Variants in ARHGEF10L observed in about 807,000 individuals in gnomAD.
ARHGEF10L encodes the protein rho guanine nucleotide exchange factor 10-like protein.
A neutral mutation model predicts 141.2 loss-of-function variants in ARHGEF10L; 69 were observed. The ratio of observed to expected loss-of-function variants is 0.49; its 90% CI spans 0.40 to 0.60. The LOEUF is 0.60. ARHGEF10L is among the 20% of genes least tolerant of loss of function. The pLI is 0.00. For missense variants in ARHGEF10L, 1,482 were observed against 1,734.3 expected, an observed-to-expected ratio of 0.85 and a Z score of 2.58; for synonymous variants, 711 against 718.5, an observed-to-expected ratio of 0.99 and a Z score of 0.17.
chr1:17,633,858 C>A lies in ARHGEF10L; in HGVS notation c.1731-690C>A, dbSNP rs889319419. Among the ~76,000 whole-genome samples, 12 of 152,264 alleles carry A rather than the reference C, an allele frequency of 7.9e-5. No individual in the cohort carries two copies. The East Asian group carries it at 2.3e-3, about 29-fold the overall frequency. ...AGGTTTGGGGATTTTCCATGGTTAC[C>A]GATCACGAGTCCTGGAAGGGGACAA... is the stretch of plus-strand genomic sequence containing the variant. On this transcript the variant is annotated intron_variant, in intron 16 of 28. Transcript: ENST00000361221.
intron 21 of ARHGEF10L, among the ~76,000 whole-genome samples, chr1:17,645,908 G>C (rs2061570731): frequency 6.6e-6 from 1 of 152,214 alleles, no homozygotes. Flanking sequence ...ACGTAGAAGT[G>C]TCTGTTATGG....
intron 4 of ARHGEF10L, among the ~76,000 whole-genome samples, chr1:17,593,161 G>A (rs1217911564): frequency 6.6e-6 from 1 of 152,156 alleles, no homozygotes; most frequent in African/African-American, 2.4e-5. Flanking sequence ...GGAATCCTGT[G>A]ACGTTCCTCC....
intron 4 of ARHGEF10L, among the ~76,000 whole-genome samples, chr1:17,589,288 A>G (rs969900781): frequency 6.6e-6 from 1 of 152,152 alleles, no homozygotes; most frequent in Non-Finnish European, 1.5e-5. Context: ...TGGAAGGGTA[A>G]TTGGGTAACT....
the ARHGEF10L span, among the ~76,000 whole-genome samples, chr1:17,527,828 C>T: frequency 6.7e-6 from 1 of 149,924 alleles, no homozygotes; most frequent in African/African-American, 2.4e-5. Context: ...GGTTATTGCC[C>T]TCTAGTGCTT....
At position 17,673,856 on chromosome 1, in the gene ARHGEF10L, G is replaced by T. The variant is rs1406144632; in HGVS notation, c.3009+9261G>T. Among the ~76,000 whole-genome samples, 1 of 152,164 alleles carries T rather than the reference G, an allele frequency of 6.6e-6. No homozygotes were observed. Among genetic ancestry groups the T allele is most frequent in the Non-Finnish European group, 1.5e-5 (1 of 68,040 alleles). Reference sequence around the variant, plus strand: ...GCAGGTCCCAGGGCTGTGCCTGGTGGGAGGAAGCACCACGTGTCAGTTGTT... The same window carrying T: ...GCAGGTCCCAGGGCTGTGCCTGGTGTGAGGAAGCACCACGTGTCAGTTGTT... On this transcript the variant is annotated intron_variant, in intron 26 of 28. Transcript: ENST00000361221. The surrounding 1 kb of genome is among the most constrained non-coding windows in gnomAD (Gnocchi z 4.1).
At position 17,697,059 on chromosome 1, in the gene ARHGEF10L, G is replaced by A; in HGVS notation, c.3519G>A (p.Leu1173=). The change falls in exon 29 of 29, where the codon TTG becomes TTA. Residue 1173 remains leucine (L), a synonymous_variant. Transcript: ENST00000361221. The surrounding 1 kb of genome is among the most constrained non-coding windows in gnomAD (Gnocchi z 4.8). ...TGACCCGCAAGAAGGGCATCCTCTT[G>A]CAGTACCGCCTGCGCTCCACCGCAC... ...RELTRKKGIL[L]QYRLRSTAHL... The A allele has an allele frequency of 6.2e-7, 1 of 1,604,388 alleles. No individual in the cohort carries two copies. Among genetic ancestry groups the A allele is most frequent in the Non-Finnish European group, 8.5e-7 (1 of 1,174,550 alleles).
chr1:17,541,720 C>A (rs1335865036), intron 1 of ARHGEF10L, among the ~76,000 whole-genome samples: 2 of 152,198 alleles, frequency 1.3e-5, no homozygotes, highest in Non-Finnish European at 2.9e-5. Context: ...GTAATCCCAG[C>A]ACTTTGGGAG....
chr1:17,556,288 G>A (rs1192482925), intron 1 of ARHGEF10L, among the ~76,000 whole-genome samples: 1 of 65,834 alleles, frequency 1.5e-5, no homozygotes, highest in East Asian at 5.9e-4. Flanking sequence ...GGGGGCCTGG[G>A]AGCACAGGGC....
intron 21 of ARHGEF10L, among the ~76,000 whole-genome samples, chr1:17,646,702 T>A (rs2061621131): frequency 2.6e-5 from 4 of 151,944 alleles, no homozygotes; most frequent in African/African-American, 9.7e-5. Flanking sequence ...GGCCAGGGCA[T>A]GGAGACATGG....
chr1:17,633,745 C>A (rs1410345029), intron 16 of ARHGEF10L, among the ~76,000 whole-genome samples: 2 of 152,196 alleles, frequency 1.3e-5, no homozygotes, highest in Non-Finnish European at 2.9e-5. Flanking sequence ...GAATGTGAAT[C>A]CCAGCATAGC....
In ARHGEF10L at chr1:17,697,111, C is replaced by A. The variant is rs375266292; in HGVS notation, c.3571C>A (p.Arg1191=). The A allele has an allele frequency of 8.3e-5, 134 of 1,609,660 alleles. 1 individual carries two copies. In the African/African-American group the frequency reaches 1.5e-3, roughly 18 times the overall value. The change falls in exon 29 of 29, where the codon CGG becomes AGG. Residue 1191 remains arginine, a synonymous_variant. Coordinates refer to ENST00000361221, the MANE Select transcript of ARHGEF10L (RefSeq NM_018125.4). This position sits in a 1 kb window ranked among gnomAD's most constrained non-coding sequence, Gnocchi z 4.8. ...CCTCCCGGGCCCGCTGCTCTCCATG[C>A]GGGAGCCGGCGCCTGCTGATGGCGC... is the stretch of plus-strand genomic sequence containing the variant. ...AHLPGPLLSM[R]EPAPADGAAL... is the part of the protein sequence containing the mutation.
intron 7 of ARHGEF10L, among the ~76,000 whole-genome samples, chr1:17,608,942 C>A (rs1267270054): frequency 2.0e-5 from 3 of 152,080 alleles, no homozygotes; most frequent in African/African-American, 4.8e-5. Context: ...CACCATCATG[C>A]CTGGCTAATT....
intron 1 of ARHGEF10L, among the ~76,000 whole-genome samples, chr1:17,565,704 G>A (rs2077725082): frequency 1.3e-5 from 2 of 152,168 alleles, no homozygotes; most frequent in African/African-American, 2.4e-5. Context: ...CGGGACACAG[G>A]GCAGGAGGGT....
upstream of ARHGEF10L, among the ~76,000 whole-genome samples, chr1:17,538,693 T>TA (rs35238374): frequency 2.1e-3 from 272 of 129,606 alleles, 1 homozygote; most frequent in African/African-American, 4.3e-3. Flanking sequence ...AGGGAGTAGT[T>TA]AAAAAAAAAA....
chr1:17,671,125 G>A (rs948961535), intron 26 of ARHGEF10L, among the ~76,000 whole-genome samples: 5 of 152,258 alleles, frequency 3.3e-5, no homozygotes, highest in Admixed American at 6.5e-5. Flanking sequence ...CGGGCACGGC[G>A]CAGCCTCTCA....
the ARHGEF10L span, among the ~76,000 whole-genome samples, chr1:17,528,446 G>C: frequency 6.6e-6 from 1 of 151,982 alleles, no homozygotes; most frequent in South Asian, 2.1e-4. Flanking sequence ...TGAACTCCTG[G>C]GCCCAAGTGA....
chr1:17,664,114 A>G (rs572668534), intron 25 of ARHGEF10L, among the ~76,000 whole-genome samples: 17 of 152,216 alleles, frequency 1.1e-4, no homozygotes, highest in South Asian at 4.2e-4. Flanking sequence ...AGTGCATGGC[A>G]TGGGTGGAGT....
intron 2 of ARHGEF10L, among the ~76,000 whole-genome samples, chr1:17,584,765 C>T (rs1252367032): frequency 6.6e-6 from 1 of 152,110 alleles, no homozygotes; most frequent in Non-Finnish European, 1.5e-5. Flanking sequence ...GCATGCCTGG[C>T]ACATTTGTGG....
chr1:17,639,660 T>G lies in ARHGEF10L; in HGVS notation c.2172-542T>G. ...TGGGAAGGCCCCCACTGCTCTGAGG[T>G]GAGAGGACAGCGTGGTGACAACAGC... On this transcript the variant is annotated intron_variant, in intron 20 of 28. Transcript: ENST00000361221. The surrounding 1 kb of genome is among the most constrained non-coding windows in gnomAD (Gnocchi z 4.3). The G allele has an allele frequency of 2.4e-6, 1 of 413,244 alleles. No individual in the cohort carries two copies. The highest frequency in any genetic ancestry group is 4.8e-6 in the Non-Finnish European group (1 of 210,214). The allele number at this position is 413,244 out of a possible 1,614,324, so 25.6% of individuals were successfully genotyped here.
Sources: gnomAD v4.1 joint callset for allele counts (sites outside exome capture counted in the v4.1 genomes callset) on GRCh38, gnomAD v4.1.1 for gene constraint, Gnocchi (gnomAD v3.1) non-coding constraint, MANE v1.5 for transcripts, NCBI Gene and HGNC (gene_info 2026-07-23, HGNC 2026-07-21) for gene names.